The following GALNTL6 variants were observed in gnomAD, a reference collection of about 807,000 sequenced individuals.
GALNTL6 encodes the protein polypeptide N-acetylgalactosaminyltransferase like 6.
GALNTL6 carries 46 observed loss-of-function variants against 73.7 expected under a neutral mutation model. The ratio of observed to expected loss-of-function variants is 0.62; its 90% confidence interval spans 0.49 to 0.80. The LOEUF (loss-of-function observed/expected upper bound fraction) is 0.80, where lower values mean the gene tolerates loss of function less well. Among genes scored for constraint, GALNTL6 ranks in the 30% least tolerant of loss-of-function variants. The pLI, the probability that GALNTL6 is intolerant of heterozygous loss-of-function variation, is 0.00. For synonymous variants in GALNTL6, 259 were observed against 263.7 expected (o/e 0.98, Z 0.17); for missense variants, 604 against 755.0 (o/e 0.80, Z 2.34).
chr4:172,928,367 C>T (rs866370056), intron 8 of GALNTL6, among the ~76,000 whole-genome samples: 1 of 152,164 alleles, frequency 6.6e-6, no homozygotes, highest in Non-Finnish European at 1.5e-5. Context: ...GCCATTTTCC[C>T]ACCTTCATAA....
intron 7 of GALNTL6, among the ~76,000 whole-genome samples, chr4:172,868,721 C>T (rs1744781336): frequency 6.6e-6 from 1 of 152,172 alleles, no homozygotes; most frequent in East Asian, 1.9e-4. Context: ...CCGTGGGACC[C>T]AATTCCTGTA....
intron 2 of GALNTL6, among the ~76,000 whole-genome samples, chr4:171,854,588 T>C (rs945204992): frequency 6.6e-6 from 1 of 152,214 alleles, no homozygotes; most frequent in Non-Finnish European, 1.5e-5. Flanking sequence ...GCTGTTATAA[T>C]AAACATAGCA....
intron 2 of GALNTL6, among the ~76,000 whole-genome samples, chr4:172,131,126 A>T (rs1733479729): frequency 6.6e-6 from 1 of 152,110 alleles, no homozygotes; most frequent in Admixed American, 6.5e-5. Context: ...TTGTCAAAGA[A>T]GATTTAATTT....
chr4:172,282,883 C>T (rs1391111895), intron 3 of GALNTL6, among the ~76,000 whole-genome samples: 1 of 152,142 alleles, frequency 6.6e-6, no homozygotes, highest in Admixed American at 6.6e-5. Flanking sequence ...TTCCTAATTT[C>T]TCTGGCTGAG....
At chr4:172,637,408 A>G (rs1311340446) in intron 5 of GALNTL6, among the ~76,000 whole-genome samples, 3 of 152,194 alleles carry the variant, frequency 2.0e-5, no homozygotes, top group African/African-American at 7.2e-5. Context: ...CATTCCTGTC[A>G]TGGAACATTT....
At chr4:172,150,814 T>A (rs6847964) in intron 2 of GALNTL6, among the ~76,000 whole-genome samples, 15,491 of 152,196 alleles carry the variant, frequency 0.1, 959 homozygotes, top group East Asian at 0.31. Flanking sequence ...CCTAATAATT[T>A]TAAAATATTA....
intron 5 of GALNTL6, among the ~76,000 whole-genome samples, chr4:172,471,572 A>G (rs544695214): frequency 6.6e-6 from 1 of 151,650 alleles, no homozygotes; most frequent in East Asian, 1.9e-4. Context: ...TTCTTTTTTT[A>G]TGACACATTT....
At chr4:172,368,517 A>T (rs1194775221) in intron 5 of GALNTL6, among the ~76,000 whole-genome samples, 12 of 152,232 alleles carry the variant, frequency 7.9e-5, no homozygotes, top group Admixed American at 7.8e-4. Context: ...CTGCCCTCTC[A>T]TATAAACAGG....
intron 5 of GALNTL6, among the ~76,000 whole-genome samples, chr4:172,539,607 A>G (rs905485395): frequency 3.9e-5 from 6 of 152,004 alleles, no homozygotes; most frequent in African/African-American, 1.2e-4. Flanking sequence ...TATTAGCCCA[A>G]CTCAGCCAAA....
intron 5 of GALNTL6, among the ~76,000 whole-genome samples, chr4:172,807,676 C>T (rs1325963833): frequency 1.3e-5 from 2 of 152,214 alleles, no homozygotes; most frequent in African/African-American, 2.4e-5. Flanking sequence ...CCCAGGCCTA[C>T]TCTGATTCCA....
intron 2 of GALNTL6, among the ~76,000 whole-genome samples, chr4:171,840,793 T>TA (rs1735221651): frequency 6.6e-6 from 1 of 152,212 alleles, no homozygotes; most frequent in Admixed American, 6.6e-5. Flanking sequence ...ACATATGTCC[T>TA]AAAATCTAGA....
chr4:172,298,990 C>G (rs1739797970), intron 3 of GALNTL6, among the ~76,000 whole-genome samples: 1 of 152,192 alleles, frequency 6.6e-6, no homozygotes. Context: ...GTGAATCCAT[C>G]TGGTCCTGGA....
At chr4:172,825,029 G>A (rs1294132627) in intron 7 of GALNTL6, among the ~76,000 whole-genome samples, 1 of 147,986 alleles carries the variant, frequency 6.8e-6, no homozygotes, top group African/African-American at 2.5e-5. Flanking sequence ...TGACTATGAT[G>A]CTAAATCGGT....
chr4:172,960,183 C>T (rs997605503), intron 10 of GALNTL6, among the ~76,000 whole-genome samples: 3 of 152,200 alleles, frequency 2.0e-5, no homozygotes, highest in African/African-American at 7.2e-5. Flanking sequence ...TGCTGCCAAA[C>T]AAGCCAAAAA....
At chr4:172,917,890 C>T (rs2111283641) in intron 8 of GALNTL6, among the ~76,000 whole-genome samples, 1 of 152,292 alleles carries the variant, frequency 6.6e-6, no homozygotes, top group South Asian at 2.1e-4. Flanking sequence ...CCAGTGATCC[C>T]ATTACTGGGT....
intron 3 of GALNTL6, among the ~76,000 whole-genome samples, chr4:172,307,934 T>C (rs1174197866): frequency 2.0e-5 from 3 of 151,538 alleles, no homozygotes. Context: ...ATGTATAGAT[T>C]GCTTTTGGTA....
chr4:172,713,860 C>T (rs1248278921), intron 5 of GALNTL6, among the ~76,000 whole-genome samples: 1 of 152,076 alleles, frequency 6.6e-6, no homozygotes, highest in Non-Finnish European at 1.5e-5. Context: ...GTCAGCTTAT[C>T]AAACTGTAGG....
intron 5 of GALNTL6, among the ~76,000 whole-genome samples, chr4:172,439,243 C>A (rs1024784573): frequency 6.6e-6 from 1 of 150,950 alleles, no homozygotes; most frequent in Non-Finnish European, 1.5e-5. Flanking sequence ...TCTCAACTTA[C>A]CCCAATCAGG....
At chr4:172,607,868 TA>T (rs1200160953) in intron 5 of GALNTL6, among the ~76,000 whole-genome samples, 1 of 152,226 alleles carries the variant, frequency 6.6e-6, no homozygotes, top group African/African-American at 2.4e-5. Context: ...ATTTTTTTCA[TA>T]TGCTTGTTGG....
Sources: allele counts gnomAD v4.1 joint callset (sites outside exome capture counted in the v4.1 genomes callset), GRCh38; gene constraint gnomAD v4.1.1; transcripts MANE v1.5; gene names NCBI Gene and HGNC (gene_info 2026-07-23, HGNC 2026-07-21).